The following PRKCZ variants were observed in gnomAD, a reference collection of about 807,000 sequenced individuals.
The protein encoded by PRKCZ is protein kinase C zeta type.
Under a neutral mutation model 79.5 loss-of-function variants are expected in PRKCZ, and 33 were observed. That is an observed-to-expected ratio of 0.41 (90% CI 0.31 to 0.55). The LOEUF (loss-of-function observed/expected upper bound fraction) is 0.55. PRKCZ is among the 20% of genes least tolerant of loss of function. The probability of loss-of-function intolerance (pLI) is 0.19; values close to 1 mark genes in which losing one functional copy is unlikely to be tolerated. For synonymous variants in PRKCZ, 342 were observed against 320.9 expected (o/e 1.07, Z -0.70); for missense variants, 578 against 813.5 (o/e 0.71, Z 3.52).
At chr1:2,104,886 A>G (rs1668113287) in intron 4 of PRKCZ, 1 of 985,440 alleles carries the variant, frequency 1.0e-6, no homozygotes, top group Non-Finnish European at 1.2e-6. Flanking sequence ...AGAGAAGAGC[A>G]GTTTTCAGGG....
intron 4 of PRKCZ, 143 bp downstream of exon 4, chr1:2,059,734 A>C: frequency 3.7e-6 from 4 of 1,071,900 alleles, no homozygotes; most frequent in South Asian, 1.4e-5. Flanking sequence ...TGGTGACCGC[A>C]GGTGGGGTTT....
At chr1:2,153,307 A>G (rs1347320908) in intron 9 of PRKCZ, among the ~76,000 whole-genome samples, 1 of 152,242 alleles carries the variant, frequency 6.6e-6, no homozygotes, top group Admixed American at 6.5e-5. Context: ...AGGATTAGAT[A>G]AAAGGCCAAC....
At chr1:2,111,948 A>G (rs1669819047) in intron 4 of PRKCZ, 1 of 152,212 alleles carries the variant, frequency 6.6e-6, no homozygotes, top group Admixed American at 6.5e-5. Flanking sequence ...AGACCCGGGA[A>G]GGGCAGTGCC....
At chr1:2,079,743 T>C (rs985818795) in intron 4 of PRKCZ, among the ~76,000 whole-genome samples, 1 of 152,204 alleles carries the variant, frequency 6.6e-6, no homozygotes, top group Non-Finnish European at 1.5e-5. Context: ...CGTACTCAGC[T>C]GTTTTCACCG....
chr1:2,050,855 C>T (rs1051241787), intron 1 of PRKCZ, 154 bp downstream of exon 1: 7 of 436,924 alleles, frequency 1.6e-5, no homozygotes, highest in African/African-American at 1.4e-4. Flanking sequence ...GGTCCCCGCC[C>T]GTGAGCGTCA....
intron 4 of PRKCZ, among the ~76,000 whole-genome samples, chr1:2,118,665 T>C (rs1221044958): frequency 6.6e-6 from 1 of 151,520 alleles, no homozygotes; most frequent in Non-Finnish European, 1.5e-5. Flanking sequence ...GAAAATATTA[T>C]TGTCATTAAC....
chr1:2,144,318 C>A lies in PRKCZ; in HGVS notation c.529C>A (p.Pro177Thr). 6.3e-7 allele frequency: 1 copy of A among 1,576,224 alleles called. No individual in the cohort carries two copies. Among genetic ancestry groups the A allele is most frequent in the Non-Finnish European group, 8.6e-7 (1 of 1,160,708 alleles). The change falls in exon 6 of 18, where the codon CCG becomes ACG. Residue 177 changes from proline (P) to threonine (T), a missense_variant. Around this residue, in one of 4 missense-constraint regions of PRKCZ, gnomAD observed 91 missense variants for 97.5 expected, o/e 0.93. Transcript: ENST00000378567. ...CCATAAGCGCTGCCACGGCCTCGTC[C>A]CGCTGACCTGCAGGAAGCATATGGT... ...LVHKRCHGLV[P>T]LTCRKHMDSV...
Position 2,165,624 on chromosome 1 carries a change from G to A in PRKCZ, c.975-3894G>A, listed in dbSNP as rs546829484. ...CATGCGGCCTCTGTGGCAACTATGC[G>A]TTCTAAAACAGAAGCAGCCTTAGAC... On this transcript the variant is annotated intron_variant, in intron 10 of 17. Transcript: ENST00000378567. The surrounding 1 kb of genome is among the most constrained non-coding windows in gnomAD (Gnocchi z 4.1). Among the ~76,000 whole-genome samples the A allele has an allele frequency of 7.2e-5, 11 of 152,342 alleles. No homozygotes were observed. In the South Asian group the frequency reaches 1.0e-3, roughly 14 times the overall value.
At chr1:2,048,627 G>GC (rs1659420925), upstream of PRKCZ, among the ~76,000 whole-genome samples, 1 of 152,200 alleles carries the variant, frequency 6.6e-6, no homozygotes, top group African/African-American at 2.4e-5. Context: ...AAGATGGAGT[G>GC]GGGGAAGACG....
chr1:2,130,198 G>T (rs544362551), intron 4 of PRKCZ, among the ~76,000 whole-genome samples: 4 of 152,316 alleles, frequency 2.6e-5, no homozygotes, highest in Admixed American at 2.6e-4. Context: ...GAGCCGCCAC[G>T]CCTGGCCAAA....
intron 5 of PRKCZ, chr1:2,142,609 G>T (rs1190090303): frequency 4.5e-6 from 1 of 223,530 alleles, no homozygotes; most frequent in Non-Finnish European, 9.2e-6. Context: ...TAGAGCCCAC[G>T]GTCCTGGTGT....
At position 2,094,878 on chromosome 1, in the gene PRKCZ, G is replaced by C. The variant is rs1666186809; in HGVS notation, c.334+35287G>C. On this transcript the variant is annotated intron_variant, in intron 4 of 17. Coordinates refer to ENST00000378567, the MANE Select transcript of PRKCZ (RefSeq NM_002744.6). This position sits in a 1 kb window ranked among gnomAD's most constrained non-coding sequence, Gnocchi z 7.3. Reference sequence around the variant, plus strand: ...TGCAGAGTCACTTCTCTTAGAGCCTGGTTTTGGCCCTCTCTCTCCTGCCTA... The same window carrying C: ...TGCAGAGTCACTTCTCTTAGAGCCTCGTTTTGGCCCTCTCTCTCCTGCCTA... Among the ~76,000 whole-genome samples, 1 of 152,202 alleles carries C rather than the reference G, an allele frequency of 6.6e-6. No individual in the cohort carries two copies. The highest frequency in any genetic ancestry group is 1.5e-5 in the Non-Finnish European group (1 of 68,040).
chr1:2,055,830 C>A, intron 2 of PRKCZ: 1 of 405,456 alleles, frequency 2.5e-6, no homozygotes, highest in Non-Finnish European at 4.4e-6. Context: ...CTGGGCAGGT[C>A]CTCACCTCTT....
In PRKCZ at chr1:2,094,394, G is replaced by A. The variant is rs573463978; in HGVS notation, c.334+34803G>A. Reference sequence around the variant, plus strand: ...CCTTGGGCACTGCCCATTCTGAGGCGCCCGCTGTGCCCGGCTCGTTGAACC... The same window carrying A: ...CCTTGGGCACTGCCCATTCTGAGGCACCCGCTGTGCCCGGCTCGTTGAACC... On this transcript the variant is annotated intron_variant, in intron 4 of 17. Transcript: ENST00000378567. The surrounding 1 kb of genome is among the most constrained non-coding windows in gnomAD (Gnocchi z 7.3). Among the ~76,000 whole-genome samples, 4 of 151,732 alleles carry A rather than the reference G, an allele frequency of 2.6e-5. No individual in the cohort carries two copies. Among genetic ancestry groups the A allele is most frequent in the African/African-American group, 4.8e-5 (2 of 41,258 alleles).
chr1:2,170,724 A>T (rs780389001), intron 11 of PRKCZ, among the ~76,000 whole-genome samples: 1 of 152,000 alleles, frequency 6.6e-6, no homozygotes, highest in East Asian at 1.9e-4. Flanking sequence ...GACTCTAGGG[A>T]CCTCATCGGA....
At chr1:2,121,197 C>T (rs1671812762) in intron 4 of PRKCZ, among the ~76,000 whole-genome samples, 1 of 152,204 alleles carries the variant, frequency 6.6e-6, no homozygotes, top group Admixed American at 6.5e-5. Flanking sequence ...CCAATGGCCC[C>T]AGAACCCTTA....
chr1:2,147,100 A>T (rs1000207669), intron 7 of PRKCZ, among the ~76,000 whole-genome samples: 2 of 151,638 alleles, frequency 1.3e-5, no homozygotes, highest in African/African-American at 4.9e-5. Flanking sequence ...CTATCCATGT[A>T]TCTATTGTCC....
intron 8 of PRKCZ, 74 bp from the exon 9 acceptor site, chr1:2,150,716 T>C: frequency 6.9e-7 from 1 of 1,448,442 alleles, no homozygotes. Context: ...TGGGACCGCA[T>C]GAGTGATGCG....
At chr1:2,073,566 C>G in intron 4 of PRKCZ, 1 of 954,754 alleles carries the variant, frequency 1.0e-6, no homozygotes, top group Non-Finnish European at 1.2e-6. Flanking sequence ...GGCTGCTGCC[C>G]GCCCGCTCTC....
Sources: allele counts gnomAD v4.1 joint callset (sites outside exome capture counted in the v4.1 genomes callset), GRCh38; gene constraint gnomAD v4.1.1; regional missense constraint gnomAD v4.1.1; non-coding constraint Gnocchi (gnomAD v3.1); transcripts MANE v1.5; gene names NCBI Gene and HGNC (gene_info 2026-07-23, HGNC 2026-07-21).